The following MSRA variants were observed in gnomAD, a reference collection of about 807,000 sequenced individuals.
MSRA encodes methionine sulfoxide reductase A.
Under a neutral mutation model 31.3 loss-of-function variants are expected in MSRA, and 54 were observed. The observed-to-expected ratio is 1.73, with a 90% confidence interval of 1.39 to 2.17. MSRA has a LOEUF of 2.17. Ranked by LOEUF, MSRA falls within the 30% of genes most tolerant of loss-of-function variation. The pLI is 0.00. For missense variants in MSRA, 507 were observed against 300.9 expected (o/e 1.69, Z -5.07); for synonymous variants, 169 against 116.5 (o/e 1.45, Z -2.90).
chr8:10,240,826 C>G (rs999144624), intron 2 of MSRA, among the ~76,000 whole-genome samples: 9 of 152,012 alleles, frequency 5.9e-5, no homozygotes, highest in African/African-American at 2.2e-4. Flanking sequence ...CCATTCAACA[C>G]CCCACCCCCC....
chr8:10,365,515 C>T (rs960655153), intron 5 of MSRA, among the ~76,000 whole-genome samples: 3 of 152,186 alleles, frequency 2.0e-5, no homozygotes, highest in Admixed American at 2.0e-4. Flanking sequence ...AAAAAAAGAA[C>T]GTTGTTGGGG....
rs189451285 is a variant in MSRA at position 10,197,923 on chromosome 8, C to T, written c.143-9910C>T. Among the ~76,000 whole-genome samples the T allele has an allele frequency of 7.2e-5, 11 of 152,334 alleles. No individual in the cohort carries two copies. The East Asian group carries it at 2.1e-3, about 29-fold the overall frequency. The stretch of plus-strand genomic sequence containing the variant: ...CAACCCTGGGAAGAAAAGGGCTCTG[C>T]TGCACCTTCCTGTGATGGAGCAGGC... On this transcript the variant is annotated intron_variant, in intron 1 of 5. Coordinates refer to ENST00000317173, the MANE Select transcript of MSRA (RefSeq NM_012331.5).
chr8:10,155,427 C>T (rs1245588197), intron 1 of MSRA, among the ~76,000 whole-genome samples: 1 of 152,166 alleles, frequency 6.6e-6, no homozygotes, highest in Non-Finnish European at 1.5e-5. Flanking sequence ...ACTGAAGAGC[C>T]TAGAAGCTGT....
At chr8:10,199,841 G>C (rs1249737131) in intron 1 of MSRA, among the ~76,000 whole-genome samples, 2 of 152,214 alleles carry the variant, frequency 1.3e-5, no homozygotes, top group South Asian at 4.1e-4. Flanking sequence ...GTCCTTGAGT[G>C]TAGGATCTGT....
chr8:10,059,147 T>C (rs1459591931), intron 1 of MSRA: 1 of 152,156 alleles, frequency 6.6e-6, no homozygotes, highest in African/African-American at 2.4e-5. Flanking sequence ...CAATAAATGG[T>C]ATTGGGACAA....
chr8:10,328,814 C>G (rs1585486694), intron 5 of MSRA, among the ~76,000 whole-genome samples: 1 of 152,178 alleles, frequency 6.6e-6, no homozygotes, highest in Non-Finnish European at 1.5e-5. Context: ...ACCACAGGGA[C>G]TCAGGAAATC....
intron 1 of MSRA, among the ~76,000 whole-genome samples, chr8:10,204,033 T>C (rs887405223): frequency 6.6e-5 from 10 of 151,790 alleles, no homozygotes; most frequent in African/African-American, 2.4e-4. Context: ...ATTTTAAAAA[T>C]AGGAAGAAGT....
chr8:10,355,967 A>G lies in MSRA; in HGVS notation c.543+35978A>G, dbSNP rs111264902. On this transcript the variant is annotated intron_variant, in intron 5 of 5. Transcript: ENST00000317173. ...CTAGGATTGAGGAAGGGGTCTGTTC[A>G]CAAGGAATTCAGTAGCAGCCCAGGT... is the stretch of plus-strand genomic sequence containing the variant. Among the ~76,000 whole-genome samples the G allele has an allele frequency of 1.0e-2, 1,519 of 152,280 alleles. 24 individuals carry two copies. Among genetic ancestry groups the G allele is most frequent in the African/African-American group, 0.035 (1,445 of 41,556 alleles).
intron 5 of MSRA, among the ~76,000 whole-genome samples, chr8:10,388,340 C>A (rs550810593): frequency 6.6e-6 from 1 of 152,270 alleles, no homozygotes; most frequent in East Asian, 1.9e-4. Context: ...CCCCCGTCTT[C>A]CTGGTACAGA....
intron 1 of MSRA, among the ~76,000 whole-genome samples, chr8:10,158,506 A>G (rs538966723): frequency 6.6e-6 from 1 of 152,204 alleles, no homozygotes; most frequent in Admixed American, 6.5e-5. Flanking sequence ...CACTAGCATA[A>G]GTTTTCAGGA....
chr8:10,122,187 A>G (rs576112742), intron 1 of MSRA, among the ~76,000 whole-genome samples: 1 of 152,234 alleles, frequency 6.6e-6, no homozygotes, highest in Non-Finnish European at 1.5e-5. Flanking sequence ...TCTCGCCATG[A>G]GAATTGATGT....
At chr8:10,228,862 C>T (rs570475506) in intron 2 of MSRA, among the ~76,000 whole-genome samples, 1 of 152,180 alleles carries the variant, frequency 6.6e-6, no homozygotes, top group African/African-American at 2.4e-5. Context: ...GATACAAACT[C>T]ATTTATTCCT....
intron 1 of MSRA, among the ~76,000 whole-genome samples, chr8:10,153,585 C>G (rs1803899444): frequency 6.6e-6 from 1 of 152,100 alleles, no homozygotes; most frequent in Non-Finnish European, 1.5e-5. Flanking sequence ...ATACACTGAT[C>G]TTTTTTTGGT....
At position 10,348,758 on chromosome 8, in the gene MSRA, C is replaced by A. The variant is rs548361814; in HGVS notation, c.543+28769C>A. On this transcript the variant is annotated intron_variant, in intron 5 of 5. Transcript: ENST00000317173. ...TCATTAAAACTCGGCAGTTACACGT[C>A]ATACTGGAAAGAGGGATAGGTTGGC... is the stretch of plus-strand genomic sequence containing the variant. Among the ~76,000 whole-genome samples, 8 of 152,214 alleles carry A rather than the reference C, an allele frequency of 5.3e-5. No individual in the cohort carries two copies. In the East Asian group the frequency reaches 7.7e-4, roughly 15 times the overall value.
intron 1 of MSRA, among the ~76,000 whole-genome samples, chr8:10,146,947 A>G (rs918552495): frequency 6.6e-5 from 10 of 152,214 alleles, no homozygotes; most frequent in African/African-American, 1.9e-4. Flanking sequence ...ACTATTGTTT[A>G]AAAAGCTACT....
In MSRA at chr8:10,286,867, A is replaced by G. The variant is rs562966023; in HGVS notation, c.332-14667A>G. 6.6e-4 allele frequency among the ~76,000 whole-genome samples: 100 copies of G among 152,386 alleles called. 1 individual carries two copies. Among genetic ancestry groups the G allele is most frequent in the South Asian group, 2.1e-4 (1 of 4,834 alleles). ...CACTTTATAGTTAAAGCCTGTGTGT[A>G]CGCACATGTGTGTGCACACACGTGT... On this transcript the variant is annotated intron_variant, in intron 3 of 5. Coordinates refer to ENST00000317173, the MANE Select transcript of MSRA (RefSeq NM_012331.5).
At chr8:10,309,190 T>A (rs1328622787) in intron 4 of MSRA, among the ~76,000 whole-genome samples, 1 of 152,264 alleles carries the variant, frequency 6.6e-6, no homozygotes, top group Non-Finnish European at 1.5e-5. Context: ...TGTTTATTGC[T>A]TATTCTCTGA....
chr8:10,146,814 C>G (rs1029919797), intron 1 of MSRA, among the ~76,000 whole-genome samples: 1 of 152,134 alleles, frequency 6.6e-6, no homozygotes, highest in East Asian at 1.9e-4. Context: ...CTGGACATAG[C>G]GTTCAGCTGG....
chr8:10,125,434 G>A (rs1466862290), intron 1 of MSRA, among the ~76,000 whole-genome samples: 1 of 152,180 alleles, frequency 6.6e-6, no homozygotes, highest in Admixed American at 6.5e-5. Flanking sequence ...GGGAGAGAAG[G>A]GGGACACTCA....
Sources: gnomAD v4.1 joint callset for allele counts (sites outside exome capture counted in the v4.1 genomes callset) on GRCh38, gnomAD v4.1.1 for gene constraint, MANE v1.5 for transcripts, NCBI Gene and HGNC (gene_info 2026-07-23, HGNC 2026-07-21) for gene names.